ATP2B1: variants seen among roughly 807,000 people sequenced by gnomAD.
ATP2B1 encodes the protein plasma membrane calcium-transporting ATPase 1.
In ATP2B1, 14 loss-of-function variants were observed where a neutral mutation model predicts 124.2. The observed-to-expected ratio is 0.11, with a 90% CI of 0.07 to 0.18. The LOEUF (loss-of-function observed/expected upper bound fraction) is 0.18, where lower values mean the gene tolerates loss of function less well. Among genes scored for constraint, ATP2B1 ranks in the 10% least tolerant of loss-of-function variants. The pLI, the probability that ATP2B1 is intolerant of heterozygous loss-of-function variation, is 1.00. For synonymous variants in ATP2B1, 449 were observed against 492.4 expected, an observed-to-expected ratio of 0.91 and a Z score of 1.17; for missense variants, 763 against 1,466.1, an observed-to-expected ratio of 0.52 and a Z score of 7.83.
intron 1 of ATP2B1, among the ~76,000 whole-genome samples, chr12:89,699,436 A>G (rs1891554150): frequency 6.6e-6 from 1 of 152,246 alleles, no homozygotes; most frequent in African/African-American, 2.4e-5. Context: ...ATGACAAAGT[A>G]GTTAAAAGAC....
Position 89,656,005 on chromosome 12 carries a change from G to T in ATP2B1, c.-119C>A. The T allele has an allele frequency of 2.9e-6, 3 of 1,030,596 alleles. No homozygotes were observed. The highest frequency in any genetic ancestry group is 2.7e-6 in the Non-Finnish European group (2 of 729,808). The allele number at this position is 1,030,596 out of a possible 1,614,324, so 63.8% of individuals were successfully genotyped here. Reference sequence around the variant, plus strand: ...ATCTTTCTTAAACCAAACACTCATTGTATGACTTTGTAAAGCAGCATCAGC... The same window carrying T: ...ATCTTTCTTAAACCAAACACTCATTTTATGACTTTGTAAAGCAGCATCAGC... On this transcript the variant is annotated 5_prime_UTR_variant, in exon 2 of 21. Coordinates refer to ENST00000428670, the MANE Select transcript of ATP2B1 (RefSeq NM_001366521.1).
At chr12:89,671,728 G>C (rs573386496) in intron 1 of ATP2B1, among the ~76,000 whole-genome samples, 1 of 150,610 alleles carries the variant, frequency 6.6e-6, no homozygotes, top group East Asian at 2.0e-4. Context: ...CTACAGGGAA[G>C]AGAATGTGCT....
At chr12:89,646,276 T>C (rs1884445319) in intron 2 of ATP2B1, among the ~76,000 whole-genome samples, 1 of 152,122 alleles carries the variant, frequency 6.6e-6, no homozygotes, top group South Asian at 2.1e-4. Context: ...CTATCCATAT[T>C]GAGAACTCAA....
chr12:89,612,698 G>A (rs928462256), intron 12 of ATP2B1, among the ~76,000 whole-genome samples: 1 of 152,168 alleles, frequency 6.6e-6, no homozygotes, highest in African/African-American at 2.4e-5. Flanking sequence ...CTTATCTGGA[G>A]CTTTCTTGGT....
At chr12:89,672,592 G>C (rs752251242) in intron 1 of ATP2B1, among the ~76,000 whole-genome samples, 2 of 152,016 alleles carry the variant, frequency 1.3e-5, no homozygotes, top group Non-Finnish European at 2.9e-5. Context: ...CACGTCTCTT[G>C]CCTTCCGTGT....
At chr12:89,614,459 C>T (rs1047082861) in intron 12 of ATP2B1, among the ~76,000 whole-genome samples, 5 of 152,198 alleles carry the variant, frequency 3.3e-5, no homozygotes, top group African/African-American at 9.7e-5. Flanking sequence ...AAACCCCAAA[C>T]CAAATTTATC....
At chr12:89,685,207 T>A (rs189813185) in intron 1 of ATP2B1, among the ~76,000 whole-genome samples, 1 of 152,068 alleles carries the variant, frequency 6.6e-6, no homozygotes, top group Non-Finnish European at 1.5e-5. Context: ...TTAAGTTCCT[T>A]ATAATAAAGC....
At chr12:89,636,321 G>C (rs543319616) in intron 3 of ATP2B1, among the ~76,000 whole-genome samples, 99 of 152,208 alleles carry the variant, frequency 6.5e-4, no homozygotes, top group African/African-American at 2.3e-3. Context: ...ATCTAGTTGT[G>C]AGTCCAAAAT....
intron 10 of ATP2B1, among the ~76,000 whole-genome samples, chr12:89,621,270 G>A (rs1879917035): frequency 1.3e-5 from 2 of 151,940 alleles, no homozygotes; most frequent in Admixed American, 1.3e-4. Flanking sequence ...AGCTTAACAA[G>A]AATTTAAAAT....
chr12:89,637,159 T>C (rs1000871333), intron 3 of ATP2B1, among the ~76,000 whole-genome samples: 2 of 152,188 alleles, frequency 1.3e-5, no homozygotes, highest in Non-Finnish European at 2.9e-5. Context: ...TATAACAGCA[T>C]ATAAAAACAA....
intron 6 of ATP2B1, among the ~76,000 whole-genome samples, chr12:89,628,263 G>T (rs1471782054): frequency 1.3e-5 from 2 of 152,006 alleles, no homozygotes; most frequent in African/African-American, 4.8e-5. Context: ...TTAGCCGGGT[G>T]TGGTGGCATG....
intron 1 of ATP2B1, among the ~76,000 whole-genome samples, chr12:89,673,757 T>C (rs1159262001): frequency 1.3e-5 from 2 of 152,190 alleles, no homozygotes; most frequent in African/African-American, 2.4e-5. Context: ...CTTATACATA[T>C]CAGCTATGAT....
At chr12:89,656,616 T>C (rs966198139) in intron 1 of ATP2B1, among the ~76,000 whole-genome samples, 2 of 152,176 alleles carry the variant, frequency 1.3e-5, no homozygotes, top group African/African-American at 4.8e-5. Context: ...TCATATGGAA[T>C]AGCCCCTGAA....
chr12:89,624,592 T>C (rs577918924), intron 8 of ATP2B1, among the ~76,000 whole-genome samples, 195 bp from the exon 9 acceptor site: 1 of 152,344 alleles, frequency 6.6e-6, no homozygotes, highest in South Asian at 2.1e-4. Context: ...TACAGTCTTG[T>C]CCCCAGGAGA....
chr12:89,679,710 T>C (rs1382159370), intron 1 of ATP2B1, among the ~76,000 whole-genome samples: 2 of 152,114 alleles, frequency 1.3e-5, no homozygotes, highest in Non-Finnish European at 2.9e-5. Flanking sequence ...CTTAAGACTC[T>C]ATGACAAAAG....
chr12:89,614,491 G>A (rs1393153949), intron 12 of ATP2B1, among the ~76,000 whole-genome samples: 1 of 152,308 alleles, frequency 6.6e-6, no homozygotes, highest in East Asian at 1.9e-4. Flanking sequence ...ACAGGCTGCT[G>A]TTTCTGGTTC....
chr12:89,597,844 T>C (rs1281979408), intron 20 of ATP2B1, among the ~76,000 whole-genome samples: 2 of 151,996 alleles, frequency 1.3e-5, no homozygotes, highest in Non-Finnish European at 2.9e-5. Flanking sequence ...TTACAACATT[T>C]ATTGGTTCAA....
At position 89,634,762 on chromosome 12, in the gene ATP2B1, T is replaced by A. The variant is rs1407579929; in HGVS notation, c.787+16A>T. The A allele has an allele frequency of 5.1e-6, 8 of 1,569,558 alleles. No homozygotes were observed. The highest frequency in any genetic ancestry group is 6.9e-6 in the Non-Finnish European group (8 of 1,160,600). On this transcript the variant is annotated intron_variant, in intron 5 of 20. Transcript: ENST00000428670. ...CGAAAGAGGAAAGTGTTCAAAGATA[T>A]AAATGAAATTTTTACCTGATAGAAG...
intron 2 of ATP2B1, among the ~76,000 whole-genome samples, chr12:89,646,616 G>C (rs1884484325): frequency 6.6e-6 from 1 of 152,220 alleles, no homozygotes; most frequent in Non-Finnish European, 1.5e-5. Flanking sequence ...TGACAGACCA[G>C]AGAATGGAAC....
Sources: allele counts gnomAD v4.1 joint callset (sites outside exome capture counted in the v4.1 genomes callset), GRCh38; gene constraint gnomAD v4.1.1; transcripts MANE v1.5; gene names NCBI Gene and HGNC (gene_info 2026-07-23, HGNC 2026-07-21).